The following SLFN14 variants were observed in gnomAD, a reference collection of about 807,000 sequenced individuals.
SLFN14 encodes the protein schlafen family member 14, also known as protein SLFN14.
SLFN14 carries 47 observed loss-of-function variants against 58.6 expected under a neutral mutation model. That is an observed-to-expected ratio of 0.80 (90% CI 0.64 to 1.02). SLFN14 has a LOEUF of 1.02. Ranked by LOEUF, SLFN14 falls within the 50% of genes least tolerant of loss-of-function variation. The pLI is 0.00. For synonymous variants in SLFN14, 390 were observed against 387.3 expected (o/e 1.01, Z -0.08); for missense variants, 967 against 1,078.4 (o/e 0.90, Z 1.45).
At chr17:35,550,335 C>T (rs1274069002) in intron 5 of SLFN14, among the ~76,000 whole-genome samples, 1 of 152,210 alleles carries the variant, frequency 6.6e-6, no homozygotes, top group Non-Finnish European at 1.5e-5. Context: ...CACCTGAGGT[C>T]AGGAGTTCAA....
At chr17:35,554,873 G>GACTTCCTT in intron 3 of SLFN14, 169 bp from the exon 4 acceptor site, 2 of 445,924 alleles carry the variant, frequency 4.5e-6, no homozygotes, top group Non-Finnish European at 7.4e-6. Context: ...AGGAAAGGAA[G>GACTTCCTT]TCTGGGGATT....
At position 35,546,937 on chromosome 17, in the gene SLFN14, C is replaced by CT. The variant is rs1303330079; in HGVS notation, c.*1301dup. ...TTGCCACCAAGGATCCCCATAAACTCTGAGAGTTGGATTTAAAAATTAGCA... is the reference window on the plus strand; with the variant it reads ...TTGCCACCAAGGATCCCCATAAACTCTTGAGAGTTGGATTTAAAAATTAGCA... On this transcript the variant is annotated 3_prime_UTR_variant, in exon 6 of 6. Coordinates refer to ENST00000674182, the MANE Select transcript of SLFN14 (RefSeq NM_001129820.2). Among the ~76,000 whole-genome samples the CT allele has an allele frequency of 1.3e-5, 2 of 152,122 alleles. No individual in the cohort carries two copies.
At chr17:35,554,237 A>C (rs1425671824) in intron 4 of SLFN14, among the ~76,000 whole-genome samples, 1 of 150,870 alleles carries the variant, frequency 6.6e-6, no homozygotes, top group African/African-American at 2.4e-5. Flanking sequence ...AGAAGTTGGA[A>C]GGCACACAGA....
At chr17:35,559,131 T>C (rs2072680061) in intron 2 of SLFN14, among the ~76,000 whole-genome samples, 1 of 151,312 alleles carries the variant, frequency 6.6e-6, no homozygotes, top group East Asian at 1.9e-4. Context: ...GAGGCTGAGG[T>C]GGGAGGATCT....
At position 35,547,004 on chromosome 17, in the gene SLFN14, T is replaced by C. The variant is rs961559826; in HGVS notation, c.*1235A>G. Among the ~76,000 whole-genome samples the C allele has an allele frequency of 6.6e-6, 1 of 152,194 alleles. No individual in the cohort carries two copies. The highest frequency in any genetic ancestry group is 1.5e-5 in the Non-Finnish European group (1 of 68,038). ...GAAATCAGAGATGTGCAAAGGCCCC[T>C]TGTAGGAAGACTACTTTCCAGGCCA... On this transcript the variant is annotated 3_prime_UTR_variant, in exon 6 of 6. Transcript: ENST00000674182.
At chr17:35,549,840 G>C (rs118096417) in intron 5 of SLFN14, among the ~76,000 whole-genome samples, 1 of 152,032 alleles carries the variant, frequency 6.6e-6, no homozygotes, top group African/African-American at 2.4e-5. Context: ...TTCTCTTCTG[G>C]TTTGGACTGT....
At position 35,557,330 on chromosome 17, in the gene SLFN14, T is replaced by C; in HGVS notation, c.733A>G (p.Ile245Val). The C allele has an allele frequency of 6.4e-7, 1 of 1,551,718 alleles. No individual in the cohort carries two copies. Among genetic ancestry groups the C allele is most frequent in the Admixed American group, 2.0e-5 (1 of 51,006 alleles). The stretch of plus-strand genomic sequence containing the variant: ...TCTTTGCTCTTATCATCCACCCCAA[T>C]GAGGACATATCCCCCTTGAGTGTTG... Reference protein sequence around the residue: ...FANTQGGYVLIGVDDKSKEVV... With the variant: ...FANTQGGYVLVGVDDKSKEVV... The change falls in exon 3 of 6, where the codon ATT becomes GTT. Residue 245 changes from isoleucine to valine, a missense_variant. Physicochemically the swap from Ile to Val is conservative, Grantham distance 29. Transcript: ENST00000674182.
Position 35,544,215 on chromosome 17 carries a change from A to C in SLFN14, c.*4024T>G, listed in dbSNP as rs1454443891. 5.3e-5 allele frequency among the ~76,000 whole-genome samples: 8 copies of C among 152,218 alleles called. No individual in the cohort carries two copies. On this transcript the variant is annotated 3_prime_UTR_variant, in exon 6 of 6. Coordinates refer to ENST00000674182, the MANE Select transcript of SLFN14 (RefSeq NM_001129820.2). ...GAAAGTCCATGTACAGCCTCTGTGC[A>C]CATCAGAACTACTAACATTCCAAGT...
intron 2 of SLFN14, among the ~76,000 whole-genome samples, chr17:35,558,653 C>T (rs4516277): frequency 0.77 from 117,587 of 152,098 alleles, 46,446 homozygotes; most frequent in African/African-American, 0.95. Flanking sequence ...AGGTGAATGC[C>T]TAATATTTGT....
chr17:35,554,096 C>G (rs1201478445), intron 4 of SLFN14, among the ~76,000 whole-genome samples: 1 of 151,958 alleles, frequency 6.6e-6, no homozygotes, highest in Non-Finnish European at 1.5e-5. Flanking sequence ...TTGAGAAACC[C>G]TGCTTTAGAA....
Position 35,557,818 on chromosome 17 carries a change from G to A in SLFN14, c.245C>T (p.Thr82Ile). The change falls in exon 3 of 6, where the codon ACT becomes ATT. Residue 82 changes from threonine (T) to isoleucine (I), a missense_variant. Coordinates refer to ENST00000674182, the MANE Select transcript of SLFN14 (RefSeq NM_001129820.2). ...TGAAGGAAGGAGCTTTTGAAAAGAA[G>A]TTTCCAAATCCTGTCCCAGCCCATG... ...QCHGLGQDLE[T>I]SFQKLLPSGS... The A allele has an allele frequency of 6.4e-7, 1 of 1,551,722 alleles. No individual in the cohort carries two copies.
chr17:35,545,833 G>A lies in SLFN14; in HGVS notation c.*2406C>T, dbSNP rs188690540. On this transcript the variant is annotated 3_prime_UTR_variant, in exon 6 of 6. Transcript: ENST00000674182. Reference sequence around the variant, plus strand: ...CAACATTTAATAAATACCGATGCCCGAGCCTGTGTTCAGACACACTGAGGT... The same window carrying A: ...CAACATTTAATAAATACCGATGCCCAAGCCTGTGTTCAGACACACTGAGGT... Among the ~76,000 whole-genome samples, 12 of 152,154 alleles carry A rather than the reference G, an allele frequency of 7.9e-5. No homozygotes were observed. The highest frequency in any genetic ancestry group is 3.9e-4 in the East Asian group (2 of 5,178).
At position 35,545,094 on chromosome 17, in the gene SLFN14, T is replaced by C. The variant is rs1199244018; in HGVS notation, c.*3145A>G. 1.3e-5 allele frequency among the ~76,000 whole-genome samples: 2 copies of C among 152,208 alleles called. No individual in the cohort carries two copies. Among genetic ancestry groups the C allele is most frequent in the African/African-American group, 4.8e-5 (2 of 41,444 alleles). On this transcript the variant is annotated 3_prime_UTR_variant, in exon 6 of 6. Coordinates refer to ENST00000674182, the MANE Select transcript of SLFN14 (RefSeq NM_001129820.2). ...TCTTACATTTGAATCTAATGAACTA[T>C]CATCATAGATCCTTAATTTGACCTG... is the stretch of plus-strand genomic sequence containing the variant.
chr17:35,551,793 C>T (rs567560401), intron 5 of SLFN14, among the ~76,000 whole-genome samples: 1 of 61,652 alleles, frequency 1.6e-5, no homozygotes, highest in Admixed American at 1.7e-4. Context: ...CCGGAATCGT[C>T]ACCAAAAAGT....
chr17:35,549,092 CAG>C lies in SLFN14; in HGVS notation c.1905-21_1905-20del. ...TTGTTGGCTGTAAGGACGGAAAAAA[CAG>C]GGCTTGAGGCATATCAACAAAGAGA... On this transcript the variant is annotated intron_variant, in intron 5 of 5. Transcript: ENST00000674182. The C allele has an allele frequency of 1.9e-6, 3 of 1,542,422 alleles. No homozygotes were observed. Among genetic ancestry groups the C allele is most frequent in the Non-Finnish European group, 2.6e-6 (3 of 1,140,680 alleles).
chr17:35,552,236 T>C (rs1347154761), intron 5 of SLFN14, among the ~76,000 whole-genome samples: 3 of 151,832 alleles, frequency 2.0e-5, no homozygotes, highest in South Asian at 4.2e-4. Flanking sequence ...ACTTCCCCAA[T>C]AGCACTTGGG....
chr17:35,553,562 A>G (rs879746811), intron 4 of SLFN14, 118 bp from the exon 5 acceptor site: 15 of 836,812 alleles, frequency 1.8e-5, no homozygotes, highest in Middle Eastern at 3.0e-4. Flanking sequence ...GCTTTCCTTT[A>G]GAATTGTGAT....
chr17:35,550,181 T>A (rs1273200982), intron 5 of SLFN14, among the ~76,000 whole-genome samples: 1 of 152,220 alleles, frequency 6.6e-6, no homozygotes, highest in Admixed American at 6.5e-5. Context: ...CTTCTCCTGC[T>A]GACTTCTTAA....
rs1481972713 is a variant in SLFN14, at chr17:35,557,708, G to A, written c.355C>T (p.Leu119Phe). The A allele has an allele frequency of 1.3e-6, 2 of 1,551,722 alleles. No individual in the cohort carries two copies. Among genetic ancestry groups the A allele is most frequent in the Non-Finnish European group, 1.7e-6 (2 of 1,146,998 alleles). ...CGCAAGCTGCAAATCCTTAGTGGAA[G>A]GCTGAAAACATCTGGGCTCCATGAC... is the stretch of plus-strand genomic sequence containing the variant. ...VKSWSPDVFSLPLRICSLRSN... is the reference protein window; with the variant it reads ...VKSWSPDVFSFPLRICSLRSN... The change falls in exon 3 of 6, where the codon CTT becomes TTT. Residue 119 changes from leucine (L) to phenylalanine (F), a missense_variant. By Grantham distance (22) the Leu-to-Phe change is conservative. Coordinates refer to ENST00000674182, the MANE Select transcript of SLFN14 (RefSeq NM_001129820.2).
Sources: gnomAD v4.1 joint callset for allele counts (sites outside exome capture counted in the v4.1 genomes callset) on GRCh38, gnomAD v4.1.1 for gene constraint, MANE v1.5 for transcripts, NCBI Gene and HGNC (gene_info 2026-07-23, HGNC 2026-07-21) for gene names.